The following RAP1GAP variants were observed in gnomAD, a reference collection of about 807,000 sequenced individuals.
The protein encoded by RAP1GAP is rap1 GTPase-activating protein 1.
Under a neutral mutation model 87.2 loss-of-function variants are expected in RAP1GAP, and 35 were observed. That is an observed-to-expected ratio of 0.40 (90% CI 0.31 to 0.53). The LOEUF (loss-of-function observed/expected upper bound fraction) is 0.53. Ranked by LOEUF, RAP1GAP falls within the 20% of genes least tolerant of loss-of-function variation. The pLI, the probability that RAP1GAP is intolerant of heterozygous loss-of-function variation, is 0.48. For synonymous variants in RAP1GAP, 375 were observed against 363.9 expected (o/e 1.03, Z -0.35); for missense variants, 734 against 898.9 (o/e 0.82, Z 2.35).
At chr1:21,606,328 CT>C in intron 17 of RAP1GAP, 131 bp from the exon 18 acceptor site, 1 of 1,291,930 alleles carries the variant, frequency 7.7e-7, no homozygotes. Flanking sequence ...ATCCCTTCCC[CT>C]GGGCATGTGG....
intron 2 of RAP1GAP, among the ~76,000 whole-genome samples, chr1:21,639,843 G>A (rs1558824401): frequency 1.3e-5 from 2 of 152,282 alleles, no homozygotes; most frequent in East Asian, 1.9e-4. Context: ...GGTGCGAGAG[G>A]GTGTGTGTGA....
At chr1:21,626,913 C>T (rs1314606744) in intron 2 of RAP1GAP, 1 of 456,794 alleles carries the variant, frequency 2.2e-6, no homozygotes, top group Non-Finnish European at 4.4e-6. Flanking sequence ...AGGGCATGGC[C>T]TCCTCACCAC....
intron 2 of RAP1GAP, among the ~76,000 whole-genome samples, chr1:21,649,321 G>GC (rs149094077): frequency 0.011 from 1,630 of 152,170 alleles, 29 homozygotes; most frequent in African/African-American, 0.037. Context: ...GGCTAAGGGA[G>GC]CCCCAGCCCA....
chr1:21,656,700 T>C (rs1302405173), intron 1 of RAP1GAP, among the ~76,000 whole-genome samples: 1 of 152,202 alleles, frequency 6.6e-6, no homozygotes, highest in African/African-American at 2.4e-5. Context: ...GCCTCTGCCC[T>C]GGCTCTGAGA....
At chr1:21,644,695 C>T (rs538711014) in intron 2 of RAP1GAP, among the ~76,000 whole-genome samples, 7 of 151,892 alleles carry the variant, frequency 4.6e-5, no homozygotes, top group African/African-American at 1.2e-4. Flanking sequence ...GTCAGGAGCT[C>T]GAAACCAGCC....
intron 2 of RAP1GAP, among the ~76,000 whole-genome samples, chr1:21,643,600 C>T (rs1015699328): frequency 1.3e-5 from 2 of 151,852 alleles, no homozygotes; most frequent in Non-Finnish European, 2.9e-5. Flanking sequence ...AGAAAATCCC[C>T]TCCTTAGCCA....
intron 2 of RAP1GAP, among the ~76,000 whole-genome samples, chr1:21,638,795 C>T (rs747799989): frequency 5.3e-5 from 8 of 152,192 alleles, no homozygotes; most frequent in Non-Finnish European, 8.8e-5. Context: ...CACCTGACTG[C>T]TTTACCCTTT....
chr1:21,609,368 T>C lies in RAP1GAP; in HGVS notation c.1071+207A>G, dbSNP rs1429236811. ...TACTATGGAAAGTGTAAAACAATCG[T>C]GTAGTTTATCCTGTGACCTTGTGAA... On this transcript the variant is annotated intron_variant, in intron 15 of 24. Transcript: ENST00000374765. This position sits in a 1 kb window ranked among gnomAD's most constrained non-coding sequence, Gnocchi z 4.4. Among the ~76,000 whole-genome samples, 2 of 149,802 alleles carry C rather than the reference T, an allele frequency of 1.3e-5. No homozygotes were observed. Among genetic ancestry groups the C allele is most frequent in the Non-Finnish European group, 1.5e-5 (1 of 67,640 alleles).
At chr1:21,641,309 A>C (rs1174988096) in intron 2 of RAP1GAP, among the ~76,000 whole-genome samples, 1 of 152,084 alleles carries the variant, frequency 6.6e-6, no homozygotes, top group African/African-American at 2.4e-5. Flanking sequence ...ATGATCTGGA[A>C]TGTTCCAGCT....
At chr1:21,653,597 T>G (rs2096734791) in intron 1 of RAP1GAP, among the ~76,000 whole-genome samples, 1 of 146,138 alleles carries the variant, frequency 6.8e-6, no homozygotes. Context: ...CCTTCCTCCC[T>G]CCCTCCCTCC....
At chr1:21,619,974 G>C in intron 4 of RAP1GAP, 41 bp downstream of exon 4, 1 of 1,610,678 alleles carries the variant, frequency 6.2e-7, no homozygotes, top group Non-Finnish European at 8.5e-7. Context: ...AGCCCAGCCA[G>C]CTCTGTGGCT....
At chr1:21,602,745 C>G (rs901191495) in intron 19 of RAP1GAP, 59 bp downstream of exon 19, 8 of 1,457,704 alleles carry the variant, frequency 5.5e-6, no homozygotes, top group South Asian at 5.0e-5. Flanking sequence ...GCTTTGCCAC[C>G]GAATGGGGCT....
chr1:21,613,589 G>T lies in RAP1GAP; in HGVS notation c.474+39C>A. On this transcript the variant is annotated intron_variant, in intron 9 of 24. Coordinates refer to ENST00000374765, the MANE Select transcript of RAP1GAP (RefSeq NM_002885.4). This position sits in a 1 kb window ranked among gnomAD's most constrained non-coding sequence, Gnocchi z 4.7. ...TGAAGCCCCACAGGTGCCCATCTGC[G>T]GAGCCAGCCCGGGAAGCTCAGCGGA... 6.4e-7 allele frequency: 1 copy of T among 1,563,566 alleles called. No homozygotes were observed. Among genetic ancestry groups the T allele is most frequent in the Non-Finnish European group, 8.8e-7 (1 of 1,134,428 alleles).
chr1:21,617,576 G>T, intron 6 of RAP1GAP, 85 bp from the exon 7 acceptor site: 2 of 1,429,678 alleles, frequency 1.4e-6, no homozygotes, highest in Non-Finnish European at 1.9e-6. Flanking sequence ...ACCTGGAGCC[G>T]CTTCTGTCGT....
Position 21,631,252 on chromosome 1 carries a change from G to A in RAP1GAP, c.-112-4855C>T, listed in dbSNP as rs2093665332. On this transcript the variant is annotated intron_variant, in intron 2 of 24. Coordinates refer to ENST00000374765, the MANE Select transcript of RAP1GAP (RefSeq NM_002885.4). The stretch of plus-strand genomic sequence containing the variant: ...GCATTCCTCCTGGGCGGCAGCAGCT[G>A]CGGGGAGCCCAGAGCATGCCGGGAC... Among the ~76,000 whole-genome samples the A allele has an allele frequency of 2.6e-5, 4 of 152,304 alleles. No individual in the cohort carries two copies. The South Asian group carries it at 8.3e-4, about 32-fold the overall frequency.
intron 23 of RAP1GAP, 86 bp from the exon 24 acceptor site, chr1:21,597,814 G>A (rs1645985531): frequency 6.4e-7 from 1 of 1,561,698 alleles, no homozygotes; most frequent in African/African-American, 1.4e-5. Flanking sequence ...GTCACTGGCT[G>A]TGTCCAGGCC....
intron 1 of RAP1GAP, among the ~76,000 whole-genome samples, chr1:21,659,996 CA>C (rs1298624959): frequency 1.3e-5 from 2 of 152,160 alleles, no homozygotes; most frequent in East Asian, 3.9e-4. Context: ...ACGCTCCTGC[CA>C]GGGAAAAAGT....
intron 2 of RAP1GAP, among the ~76,000 whole-genome samples, chr1:21,642,685 C>T (rs1035689731): frequency 3.3e-5 from 5 of 152,206 alleles, no homozygotes; most frequent in African/African-American, 1.2e-4. Flanking sequence ...AGCCTTCCAG[C>T]GTAGCCCACA....
At chr1:21,639,272 C>T (rs1427478355) in intron 2 of RAP1GAP, among the ~76,000 whole-genome samples, 1 of 152,226 alleles carries the variant, frequency 6.6e-6, no homozygotes, top group African/African-American at 2.4e-5. Flanking sequence ...CACGTCCCAG[C>T]CCAGGCCCTT....
Sources: gnomAD v4.1 joint callset for allele counts (sites outside exome capture counted in the v4.1 genomes callset) on GRCh38, gnomAD v4.1.1 for gene constraint, Gnocchi (gnomAD v3.1) non-coding constraint, MANE v1.5 for transcripts, NCBI Gene and HGNC (gene_info 2026-07-23, HGNC 2026-07-21) for gene names.